Variants in HERC3 observed in about 807,000 individuals in gnomAD.
HERC3 encodes the protein probable E3 ubiquitin-protein ligase HERC3.
A neutral mutation model predicts 129.9 loss-of-function variants in HERC3; 58 were observed. The ratio of observed to expected loss-of-function variants is 0.45; its 90% CI spans 0.36 to 0.56. HERC3 has a LOEUF of 0.56. Among genes scored for constraint, HERC3 ranks in the 20% least tolerant of loss-of-function variants. HERC3 has a pLI of 0.00. For synonymous variants in HERC3, 430 were observed against 451.0 expected (o/e 0.95, Z 0.59); for missense variants, 835 against 1,244.2 (o/e 0.67, Z 4.95).
intron 3 of HERC3, among the ~76,000 whole-genome samples, chr4:88,627,557 C>T (rs1350721208): frequency 6.6e-6 from 1 of 152,030 alleles, no homozygotes; most frequent in Non-Finnish European, 1.5e-5. Flanking sequence ...TGGAACCAAT[C>T]CCCCACAAAT....
At chr4:88,687,355 T>C in intron 23 of HERC3, 56 bp downstream of exon 23, 1 of 1,190,930 alleles carries the variant, frequency 8.4e-7, no homozygotes, top group South Asian at 1.4e-5. Flanking sequence ...TCTGCAGTTT[T>C]ACATTTAAGA....
At chr4:88,638,104 C>A (rs1364975173) in intron 3 of HERC3, among the ~76,000 whole-genome samples, 1 of 152,130 alleles carries the variant, frequency 6.6e-6, no homozygotes, top group African/African-American at 2.4e-5. Context: ...AATAGATACC[C>A]TACTAACTAA....
the HERC3 span, among the ~76,000 whole-genome samples, chr4:88,548,417 G>A: frequency 1.3e-5 from 2 of 152,102 alleles, no homozygotes; most frequent in Non-Finnish European, 2.9e-5. Flanking sequence ...GTATCTCCAT[G>A]TGCTTTTGAT....
the HERC3 span, among the ~76,000 whole-genome samples, chr4:88,575,113 GA>G: frequency 6.6e-6 from 1 of 152,150 alleles, no homozygotes; most frequent in Non-Finnish European, 1.5e-5. Flanking sequence ...GATTTTCAAT[GA>G]TAGTGCCAAT....
chr4:88,556,647 C>A, the HERC3 span, among the ~76,000 whole-genome samples: 1 of 152,088 alleles, frequency 6.6e-6, no homozygotes, highest in Admixed American at 6.6e-5. Flanking sequence ...CATTACTGAC[C>A]TGGCTTCCTT....
intron 25 of HERC3, among the ~76,000 whole-genome samples, chr4:88,704,863 C>CTT (rs1165694315): frequency 2.3e-5 from 3 of 130,670 alleles, no homozygotes; most frequent in African/African-American, 6.0e-5. Context: ...TTCTTTCTTT[C>CTT]TTTTTTTTTT....
In HERC3 at chr4:88,669,920, G is replaced by C; in HGVS notation, c.1694G>C (p.Gly565Ala). Residue 565 changes from glycine to alanine, a missense_variant, in exon 15 of 26, where the codon GGT (glycine) becomes GCT (alanine). Gly to Ala is a moderately conservative substitution (Grantham distance 60). Coordinates refer to ENST00000402738, the MANE Select transcript of HERC3 (RefSeq NM_014606.3). Reference protein sequence around the residue: ...YFMKLVNLYKGAVLYLLRGRK... With the variant: ...YFMKLVNLYKAAVLYLLRGRK... ...ATGAAGCTGGTAAACCTCTATAAAGGTGCAGTCCTTTATCTACTGAGGGGA... is the reference window on the plus strand; with the variant it reads ...ATGAAGCTGGTAAACCTCTATAAAGCTGCAGTCCTTTATCTACTGAGGGGA... 6.2e-7 allele frequency: 1 copy of C among 1,613,638 alleles called. No individual in the cohort carries two copies. Among genetic ancestry groups the C allele is most frequent in the African/African-American group, 1.3e-5 (1 of 75,004 alleles).
At chr4:88,697,657 T>C (rs371460768) in intron 23 of HERC3, 29 of 1,613,196 alleles carry the variant, frequency 1.8e-5, no homozygotes, top group Non-Finnish European at 2.3e-5. Context: ...GTCTCCACCC[T>C]GCGCACCGCC....
At chr4:88,640,907 GAACT>G (rs112588792) in intron 3 of HERC3, among the ~76,000 whole-genome samples, 3 of 152,076 alleles carry the variant, frequency 2.0e-5, no homozygotes, top group African/African-American at 4.8e-5. Flanking sequence ...GTGATAAATA[GAACT>G]AATAGAACAT....
At chr4:88,571,135 C>T in the HERC3 span, among the ~76,000 whole-genome samples, 3 of 152,114 alleles carry the variant, frequency 2.0e-5, no homozygotes, top group Non-Finnish European at 4.4e-5. Context: ...CAGGTGCCAT[C>T]GTAGTGCACT....
intron 21 of HERC3, 33 bp from the exon 22 acceptor site, chr4:88,686,703 G>C: frequency 6.9e-7 from 1 of 1,452,018 alleles, no homozygotes; most frequent in African/African-American, 1.4e-5. Flanking sequence ...TGTCTGACTT[G>C]CCACTTTTCC....
chr4:88,535,571 C>T, the HERC3 span, among the ~76,000 whole-genome samples: 14 of 152,156 alleles, frequency 9.2e-5, no homozygotes, highest in Non-Finnish European at 1.9e-4. Flanking sequence ...TTCTGAGTCA[C>T]CTGGGCTGAG....
Position 88,629,536 on chromosome 4 carries a change from A to G in HERC3, c.227-20304A>G, listed in dbSNP as rs952638325. 2.8e-4 allele frequency among the ~76,000 whole-genome samples: 43 copies of G among 152,298 alleles called. 1 individual carries two copies. The East Asian group carries it at 5.2e-3, about 18-fold the overall frequency. On this transcript the variant is annotated intron_variant, in intron 3 of 25. Coordinates refer to ENST00000402738, the MANE Select transcript of HERC3 (RefSeq NM_014606.3). ...TTTTCCTGTTAATGCAGTGTACATT[A>G]TTTCTTTAGGATATATTTGTAGAAA...
At chr4:88,586,644 C>T in the HERC3 span, among the ~76,000 whole-genome samples, 1 of 152,128 alleles carries the variant, frequency 6.6e-6, no homozygotes, top group African/African-American at 2.4e-5. Flanking sequence ...TAGGCATGAG[C>T]CACCACGCCT....
At chr4:88,581,970 AATC>A in the HERC3 span, among the ~76,000 whole-genome samples, 1 of 152,294 alleles carries the variant, frequency 6.6e-6, no homozygotes, top group Non-Finnish European at 1.5e-5. Context: ...TATTCAGTGG[AATC>A]ATCAAGAGTT....
intron 3 of HERC3, among the ~76,000 whole-genome samples, chr4:88,642,085 C>G (rs979833091): frequency 6.6e-5 from 9 of 137,098 alleles, no homozygotes; most frequent in South Asian, 4.9e-4. Context: ...GAGCCGAGAT[C>G]ACACCATTGC....
At chr4:88,634,280 G>A (rs1225920746) in intron 3 of HERC3, among the ~76,000 whole-genome samples, 1 of 152,222 alleles carries the variant, frequency 6.6e-6, no homozygotes, top group Non-Finnish European at 1.5e-5. Context: ...TCCCAACCAT[G>A]GAGCCGTGCA....
chr4:88,631,321 G>C (rs917686017), intron 3 of HERC3, among the ~76,000 whole-genome samples: 2 of 152,132 alleles, frequency 1.3e-5, no homozygotes, highest in African/African-American at 4.8e-5. Flanking sequence ...CAGGCGTTGT[G>C]GTGTGTGCCT....
intron 23 of HERC3, among the ~76,000 whole-genome samples, chr4:88,692,377 GAGAGT>G (rs1339271404): frequency 2.6e-5 from 4 of 152,224 alleles, no homozygotes; most frequent in South Asian, 2.1e-4. Flanking sequence ...GTGGGGGGCA[GAGAGT>G]AGAGTAAAGA....
Sources: gnomAD v4.1 joint callset for allele counts (sites outside exome capture counted in the v4.1 genomes callset) on GRCh38, gnomAD v4.1.1 for gene constraint, MANE v1.5 for transcripts, NCBI Gene and HGNC (gene_info 2026-07-23, HGNC 2026-07-21) for gene names.